Variants in EFNA5 observed in about 807,000 individuals in gnomAD.
EFNA5 encodes ephrin A5.
A neutral mutation model predicts 22.9 loss-of-function variants in EFNA5; 5 were observed. The observed-to-expected ratio is 0.22, with a 90% CI of 0.11 to 0.46. EFNA5 has a LOEUF of 0.46. EFNA5 is among the 20% of genes least tolerant of loss of function. EFNA5 has a pLI of 0.99. For missense variants in EFNA5, 237 were observed against 293.3 expected, an observed-to-expected ratio of 0.81 and a Z score of 1.40; for synonymous variants, 113 against 112.2, an observed-to-expected ratio of 1.01 and a Z score of -0.04.
At chr5:107,572,438 T>C (rs1465365491) in intron 1 of EFNA5, among the ~76,000 whole-genome samples, 3 of 152,152 alleles carry the variant, frequency 2.0e-5, no homozygotes, top group Non-Finnish European at 4.4e-5. Flanking sequence ...ACAAACCTGC[T>C]TGCTGCTTTG....
chr5:107,576,388 A>AG (rs1190813185), intron 1 of EFNA5, among the ~76,000 whole-genome samples: 2 of 152,210 alleles, frequency 1.3e-5, no homozygotes, highest in Admixed American at 6.5e-5. Context: ...GAATGCTATT[A>AG]GGGGGCACCA....
intron 1 of EFNA5, among the ~76,000 whole-genome samples, chr5:107,622,812 G>C (rs1439974113): frequency 2.6e-5 from 4 of 151,864 alleles, no homozygotes; most frequent in African/African-American, 9.7e-5. Flanking sequence ...ATGAGGTCAG[G>C]AGATCGAGAC....
intron 1 of EFNA5, among the ~76,000 whole-genome samples, chr5:107,635,450 C>T (rs1294322028): frequency 6.6e-6 from 1 of 152,194 alleles, no homozygotes; most frequent in African/African-American, 2.4e-5. Context: ...CTGGCTGCCT[C>T]TGGTTGCACC....
intron 1 of EFNA5, among the ~76,000 whole-genome samples, chr5:107,467,262 T>C (rs527975458): frequency 2.0e-4 from 30 of 152,208 alleles, no homozygotes; most frequent in Admixed American, 6.5e-4. Flanking sequence ...GATATGTGGA[T>C]ATGGCATTAA....
At chr5:107,421,467 T>A (rs928519317) in intron 2 of EFNA5, among the ~76,000 whole-genome samples, 1 of 152,200 alleles carries the variant, frequency 6.6e-6, no homozygotes, top group African/African-American at 2.4e-5. Context: ...TCAGGACATT[T>A]AAGGAGAATT....
intron 1 of EFNA5, among the ~76,000 whole-genome samples, chr5:107,646,910 A>G (rs1281254737): frequency 1.3e-5 from 2 of 152,242 alleles, no homozygotes; most frequent in Middle Eastern, 3.4e-3. Context: ...TTTCTCCAGA[A>G]ATAGTATTTT....
intron 1 of EFNA5, among the ~76,000 whole-genome samples, chr5:107,515,869 A>C (rs956961274): frequency 1.8e-4 from 28 of 152,326 alleles, no homozygotes; most frequent in African/African-American, 6.7e-4. Context: ...AGAAACTAAA[A>C]ATCATCCCAA....
At chr5:107,511,732 C>T (rs963948781) in intron 1 of EFNA5, among the ~76,000 whole-genome samples, 2 of 151,966 alleles carry the variant, frequency 1.3e-5, no homozygotes, top group African/African-American at 2.4e-5. Context: ...TCACCACTGC[C>T]TATTTAACAT....
intron 1 of EFNA5, among the ~76,000 whole-genome samples, chr5:107,652,107 A>G (rs952516823): frequency 2.6e-5 from 4 of 152,156 alleles, no homozygotes; most frequent in African/African-American, 9.7e-5. Flanking sequence ...AAAAAGTCAA[A>G]AACAAAAATC....
intron 1 of EFNA5, among the ~76,000 whole-genome samples, chr5:107,575,354 T>C: frequency 6.6e-6 from 1 of 152,212 alleles, no homozygotes; most frequent in East Asian, 1.9e-4. Context: ...TCCCAAAATG[T>C]TTGGGTTGTT....
chr5:107,529,038 C>T (rs568289335), intron 1 of EFNA5, among the ~76,000 whole-genome samples: 2 of 152,192 alleles, frequency 1.3e-5, no homozygotes, highest in South Asian at 4.1e-4. Flanking sequence ...AAACTAATTT[C>T]TTACTATGGG....
At chr5:107,639,146 T>C (rs1010686821) in intron 1 of EFNA5, among the ~76,000 whole-genome samples, 6 of 152,234 alleles carry the variant, frequency 3.9e-5, no homozygotes, top group African/African-American at 1.4e-4. Flanking sequence ...CTCTATCCCA[T>C]ACCCACCACA....
At chr5:107,400,759 A>G (rs1455600278) in intron 2 of EFNA5, among the ~76,000 whole-genome samples, 7 of 152,222 alleles carry the variant, frequency 4.6e-5, no homozygotes, top group Non-Finnish European at 1.0e-4. Context: ...GGTGTTCCAG[A>G]AACTTGAGAT....
chr5:107,419,045 T>C (rs530014720), intron 2 of EFNA5, among the ~76,000 whole-genome samples: 4 of 152,186 alleles, frequency 2.6e-5, no homozygotes, highest in Non-Finnish European at 4.4e-5. Context: ...TCACTCAAAC[T>C]ATGTGAAGTG....
At chr5:107,572,642 G>A (rs1003666118) in intron 1 of EFNA5, among the ~76,000 whole-genome samples, 1 of 152,168 alleles carries the variant, frequency 6.6e-6, no homozygotes. Flanking sequence ...ACACTGCAGC[G>A]TAGGATCAAA....
chr5:107,495,229 T>G (rs956517736), intron 1 of EFNA5, among the ~76,000 whole-genome samples: 1 of 152,094 alleles, frequency 6.6e-6, no homozygotes, highest in African/African-American at 2.4e-5. Flanking sequence ...ACCATGAAGA[T>G]CTGCGGCTCC....
At chr5:107,418,279 A>G (rs777237158) in intron 2 of EFNA5, among the ~76,000 whole-genome samples, 3 of 152,208 alleles carry the variant, frequency 2.0e-5, no homozygotes, top group South Asian at 2.1e-4. Context: ...CATCTGCTCT[A>G]TGTAACACTG....
chr5:107,461,683 A>G (rs1749839926), intron 1 of EFNA5, among the ~76,000 whole-genome samples: 1 of 152,178 alleles, frequency 6.6e-6, no homozygotes, highest in Non-Finnish European at 1.5e-5. Context: ...AGATCCTGTT[A>G]TTACCTCTTT....
At chr5:107,622,890 G>A (rs527741814) in intron 1 of EFNA5, among the ~76,000 whole-genome samples, 30 of 151,050 alleles carry the variant, frequency 2.0e-4, no homozygotes, top group South Asian at 1.0e-3. Context: ...GCGCGGTGGC[G>A]GGCGCCTGTA....
Sources: allele counts gnomAD v4.1 joint callset (sites outside exome capture counted in the v4.1 genomes callset), GRCh38; gene constraint gnomAD v4.1.1; transcripts MANE v1.5; gene names NCBI Gene and HGNC (gene_info 2026-07-23, HGNC 2026-07-21).